LRRIQ1: variants seen among roughly 807,000 people sequenced by gnomAD.
LRRIQ1 encodes the protein leucine-rich repeat- and IQ domain-containing protein 1.
Under a neutral mutation model 211.9 loss-of-function variants are expected in LRRIQ1, and 210 were observed. The ratio of observed to expected loss-of-function variants is 0.99; its 90% CI spans 0.89 to 1.11. The LOEUF (loss-of-function observed/expected upper bound fraction) is 1.11. Ranked by LOEUF, LRRIQ1 falls within the 50% of genes most tolerant of loss-of-function variation. The probability of loss-of-function intolerance (pLI) is 0.00; values close to 1 mark genes in which losing one functional copy is unlikely to be tolerated. For missense variants in LRRIQ1, 2,136 were observed against 1,939.5 expected (o/e 1.10, Z -1.90); for synonymous variants, 699 against 650.1 (o/e 1.08, Z -1.14).
intron 24 of LRRIQ1, among the ~76,000 whole-genome samples, chr12:85,191,547 AG>A (rs1892512520): frequency 6.6e-6 from 1 of 152,022 alleles, no homozygotes; most frequent in Non-Finnish European, 1.5e-5. Context: ...GAAGTACCAC[AG>A]TTTATGTAAC....
chr12:85,110,266 T>A (rs1405154113), intron 15 of LRRIQ1, among the ~76,000 whole-genome samples: 1 of 152,126 alleles, frequency 6.6e-6, no homozygotes, highest in East Asian at 1.9e-4. Context: ...ATTTTTCTAA[T>A]CATACTGGGG....
chr12:85,091,931 G>C (rs954901591), intron 11 of LRRIQ1, among the ~76,000 whole-genome samples: 1 of 152,192 alleles, frequency 6.6e-6, no homozygotes, highest in African/African-American at 2.4e-5. Flanking sequence ...TGGTAGGCAA[G>C]TGAGTGAATC....
chr12:85,190,137 T>C (rs1477933089), intron 24 of LRRIQ1, among the ~76,000 whole-genome samples: 1 of 143,276 alleles, frequency 7.0e-6, no homozygotes. Context: ...ATATTATATT[T>C]ATATATAATA....
intron 24 of LRRIQ1, among the ~76,000 whole-genome samples, chr12:85,227,348 A>G (rs561104397): frequency 6.6e-6 from 1 of 152,224 alleles, no homozygotes; most frequent in East Asian, 1.9e-4. Flanking sequence ...ATATGTATAC[A>G]TGTGCCATGT....
chr12:85,164,490 TA>T (rs1389964793), intron 24 of LRRIQ1, among the ~76,000 whole-genome samples: 1 of 152,218 alleles, frequency 6.6e-6, no homozygotes, highest in Admixed American at 6.5e-5. Flanking sequence ...ACAATCTAAG[TA>T]CATATTAAGT....
At chr12:85,182,249 G>A (rs1053590890) in intron 24 of LRRIQ1, among the ~76,000 whole-genome samples, 3 of 151,970 alleles carry the variant, frequency 2.0e-5, no homozygotes, top group African/African-American at 4.8e-5. Flanking sequence ...TCATCTCTGA[G>A]TTTGAAATAG....
Position 85,137,978 on chromosome 12 carries a change from G to T in LRRIQ1, c.4329+9G>T, listed in dbSNP as rs200268546. 8.3e-6 allele frequency: 11 copies of T among 1,321,598 alleles called. No homozygotes were observed. In the South Asian group the frequency reaches 1.3e-4, roughly 16 times the overall value. 81.9% of individuals were successfully genotyped at this position (1,321,598 alleles called of 1,614,324 possible). A position where few individuals can be genotyped will look rare whatever the true frequency, so the allele number is the denominator to read the frequency against. ...ATTTTATATTTGATGAAGTAAGTACGAACTATAGTATATAAATATTGGTCT... is the reference window on the plus strand; with the variant it reads ...ATTTTATATTTGATGAAGTAAGTACTAACTATAGTATATAAATATTGGTCT... On this transcript the variant is annotated intron_variant, in intron 19 of 26. Coordinates refer to ENST00000393217, the MANE Select transcript of LRRIQ1 (RefSeq NM_001079910.2).
intron 19 of LRRIQ1, among the ~76,000 whole-genome samples, chr12:85,151,806 G>GT (rs977086508): frequency 3.8e-4 from 57 of 151,574 alleles, no homozygotes; most frequent in African/African-American, 1.4e-3. Flanking sequence ...ACAAAATGTG[G>GT]TTTTTTTACT....
At chr12:85,068,698 G>T (rs1038676896) in intron 10 of LRRIQ1, among the ~76,000 whole-genome samples, 4 of 151,184 alleles carry the variant, frequency 2.6e-5, no homozygotes, top group Non-Finnish European at 4.4e-5. Flanking sequence ...CTAAGTGTCT[G>T]GGTTTATTGG....
intron 5 of LRRIQ1, among the ~76,000 whole-genome samples, 166 bp downstream of exon 5, chr12:85,046,303 ACTTTTATG>A (rs1384824659): frequency 6.6e-6 from 1 of 152,180 alleles, no homozygotes; most frequent in African/African-American, 2.4e-5. Flanking sequence ...ATATCATCAT[ACTTTTATG>A]CCTTCTAAAT....
downstream of LRRIQ1, among the ~76,000 whole-genome samples, chr12:85,267,734 C>G (rs1167789240): frequency 6.6e-6 from 1 of 151,940 alleles, no homozygotes; most frequent in African/African-American, 2.4e-5. Context: ...GATACATAGA[C>G]AAAGTAAGAA....
intron 26 of LRRIQ1, among the ~76,000 whole-genome samples, chr12:85,237,521 T>A (rs1480251175): frequency 6.6e-6 from 1 of 152,094 alleles, no homozygotes; most frequent in African/African-American, 2.4e-5. Context: ...ACTATGTGAC[T>A]CATTGAGGTC....
intron 24 of LRRIQ1, among the ~76,000 whole-genome samples, chr12:85,220,894 T>G (rs1386763946): frequency 6.7e-6 from 1 of 148,478 alleles, no homozygotes; most frequent in Admixed American, 6.8e-5. Context: ...TGCAAACCCC[T>G]CCCCCCAGGT....
At chr12:85,063,999 A>G (rs1882142899) in intron 8 of LRRIQ1, among the ~76,000 whole-genome samples, 1 of 151,786 alleles carries the variant, frequency 6.6e-6, no homozygotes, top group African/African-American at 2.4e-5. Flanking sequence ...CGTAAAAATG[A>G]GGGTACAGAT....
At chr12:85,226,799 A>G (rs1209717458) in intron 24 of LRRIQ1, among the ~76,000 whole-genome samples, 1 of 149,976 alleles carries the variant, frequency 6.7e-6, no homozygotes, top group African/African-American at 2.5e-5. Flanking sequence ...TGTCCTTGTG[A>G]TAGTTTGCTC....
intron 15 of LRRIQ1, among the ~76,000 whole-genome samples, chr12:85,111,692 T>C (rs1887186277): frequency 6.6e-6 from 1 of 152,166 alleles, no homozygotes; most frequent in Non-Finnish European, 1.5e-5. Flanking sequence ...GTTCTGAATA[T>C]ATTTCTGGCA....
At chr12:85,087,837 G>T (rs1193950160) in intron 11 of LRRIQ1, among the ~76,000 whole-genome samples, 6 of 151,902 alleles carry the variant, frequency 3.9e-5, no homozygotes, top group Non-Finnish European at 8.8e-5. Flanking sequence ...TGTAGATTCT[G>T]GATATTAGCC....
At chr12:85,104,706 TTTGA>T (rs1237607516) in intron 14 of LRRIQ1, among the ~76,000 whole-genome samples, 2 of 151,996 alleles carry the variant, frequency 1.3e-5, no homozygotes, top group African/African-American at 2.4e-5. Context: ...TTGAACATAC[TTTGA>T]TTGTTTGTGG....
chr12:85,126,832 G>GAA (rs11413925), intron 17 of LRRIQ1, among the ~76,000 whole-genome samples: 13 of 151,490 alleles, frequency 8.6e-5, no homozygotes, highest in African/African-American at 1.9e-4. Context: ...ATTACTATGA[G>GAA]AAAAAAAATG....
Sources: allele counts gnomAD v4.1 joint callset (sites outside exome capture counted in the v4.1 genomes callset), GRCh38; gene constraint gnomAD v4.1.1; transcripts MANE v1.5; gene names NCBI Gene and HGNC (gene_info 2026-07-23, HGNC 2026-07-21).